The following FGFR4 variants were observed in gnomAD, a reference collection of about 807,000 sequenced individuals.
FGFR4 encodes hydroxyaryl-protein kinase.
Under a neutral mutation model 89.9 loss-of-function variants are expected in FGFR4, and 63 were observed. The observed-to-expected ratio is 0.70, with a 90% CI of 0.57 to 0.86. The LOEUF is 0.86. FGFR4 is among the 40% of genes least tolerant of loss of function. FGFR4 has a pLI of 0.00. For synonymous variants in FGFR4, 486 were observed against 479.4 expected (o/e 1.01, Z -0.18); for missense variants, 928 against 1,106.7 (o/e 0.84, Z 2.29).
chr5:177,095,334 C>T lies in FGFR4; in HGVS notation c.1524C>T (p.Asn508=), dbSNP rs150885537. 413 of 1,613,970 alleles carry T rather than the reference C, an allele frequency of 2.6e-4. No homozygotes were observed. Among genetic ancestry groups the T allele is most frequent in the Middle Eastern group, 9.9e-4 (6 of 6,052 alleles). ...STVAVKMLKD[N]ASDKDLADLV... Reference sequence around the variant, plus strand: ...CCCCGTCTGCTGCCCTTACAGACAACGCCTCTGACAAGGACCTGGCCGACC... The same window carrying T: ...CCCCGTCTGCTGCCCTTACAGACAATGCCTCTGACAAGGACCTGGCCGACC... Residue 508 remains asparagine, a synonymous_variant, in exon 12 of 18, where the codon AAC becomes AAT. Transcript: ENST00000292408. The surrounding 1 kb of genome is among the most constrained non-coding windows in gnomAD (Gnocchi z 5.7).
Position 177,093,492 on chromosome 5 carries a change from C to A in FGFR4, c.1338C>A (p.Leu446=). ...VRLSSSGPAL[L]AGLVSLDLPL... Reference sequence around the variant, plus strand: ...TCTCCTCCAGCGGCCCCGCCTTGCTCGCCGGCCTCGTGAGTCTAGATCTAC... The same window carrying A: ...TCTCCTCCAGCGGCCCCGCCTTGCTAGCCGGCCTCGTGAGTCTAGATCTAC... Residue 446 remains leucine (L), a synonymous_variant, in exon 10 of 18, where the codon CTC becomes CTA. Transcript: ENST00000292408. The surrounding 1 kb of genome is among the most constrained non-coding windows in gnomAD (Gnocchi z 5.8). The A allele has an allele frequency of 6.2e-7, 1 of 1,613,948 alleles. No individual in the cohort carries two copies.
At chr5:177,089,967 C>G (rs894964312) in intron 2 of FGFR4, 2 of 624,044 alleles carry the variant, frequency 3.2e-6, no homozygotes, top group Non-Finnish European at 5.9e-6. Flanking sequence ...GGTGTGTGTG[C>G]GTGTGTGTGT....
chr5:177,098,144 C>A lies in FGFR4; in HGVS notation c.*468C>A. 4.5e-6 allele frequency: 1 copy of A among 222,584 alleles called. No homozygotes were observed. The highest frequency in any genetic ancestry group is 6.5e-5 in the East Asian group (1 of 15,320). 13.8% of individuals were successfully genotyped at this position (222,584 alleles called of 1,614,324 possible). A position where few individuals can be genotyped will look rare whatever the true frequency, so the allele number is the denominator to read the frequency against. The stretch of plus-strand genomic sequence containing the variant: ...GAAATAAAGCTCTGTGTGCCTGGGT[C>A]TTCCCTGAGCAACATGGAGTGGGGT... On this transcript the variant is annotated 3_prime_UTR_variant, in exon 18 of 18. Transcript: ENST00000292408. The surrounding 1 kb of genome is among the most constrained non-coding windows in gnomAD (Gnocchi z 4.5).
chr5:177,090,808 ACAGTTACCCCCAGCAAGGT>A lies in FGFR4; in HGVS notation c.424_436+6del. 1.2e-6 allele frequency: 2 copies of A among 1,614,070 alleles called. No homozygotes were observed. Among genetic ancestry groups the A allele is most frequent in the South Asian group, 1.1e-5 (1 of 91,080 alleles). On this transcript the variant is annotated splice_donor_variant and coding_sequence_variant, in exon 4 of 18. Transcript: ENST00000292408. LOFTEE classifies it high-confidence loss of function. ...TCCCATAGGGACCCCTCGAATAGGC[ACAGTTACCCCCAGCAAGGT>A]CAGTAGGTCTCCAAGGACTTGTGTC...
Position 177,087,777 on chromosome 5 carries a change from G to C in FGFR4, c.-54+700G>C. On this transcript the variant is annotated intron_variant, in intron 1 of 17. Transcript: ENST00000292408. This position sits in a 1 kb window ranked among gnomAD's most constrained non-coding sequence, Gnocchi z 6.1. ...TGGATTCGAGAGTTGAGGTGGGCCA[G>C]AGACAGCAGTATCTGAGTCAGGTAG... is the stretch of plus-strand genomic sequence containing the variant. 1.5e-5 allele frequency: 5 copies of C among 326,766 alleles called. No individual in the cohort carries two copies. The highest frequency in any genetic ancestry group is 1.8e-5 in the Non-Finnish European group (4 of 228,220). 20.2% of individuals were successfully genotyped at this position (326,766 alleles called of 1,614,324 possible).
Position 177,086,924 on chromosome 5 carries a change from C to G in FGFR4, c.-207C>G, listed in dbSNP as rs952370915. The G allele has an allele frequency of 6.6e-6, 1 of 151,986 alleles. No homozygotes were observed. Among genetic ancestry groups the G allele is most frequent in the Non-Finnish European group, 1.5e-5 (1 of 68,012 alleles). The allele number at this position is 151,986 out of a possible 1,614,324, so 9.4% of individuals were successfully genotyped here. On this transcript the variant is annotated 5_prime_UTR_variant, in exon 1 of 18. Coordinates refer to ENST00000292408, the MANE Select transcript of FGFR4 (RefSeq NM_213647.3). ...GCCGCCGTCGCGGGTACATTCCTCG[C>G]TCCCGGCCGAGGAGCGCTCGGGCTG...
rs1307203307 is a variant in FGFR4 at position 177,097,707 on chromosome 5, C to G, written c.*31C>G. 10 of 1,605,510 alleles carry G rather than the reference C, an allele frequency of 6.2e-6. No homozygotes were observed. Among genetic ancestry groups the G allele is most frequent in the Non-Finnish European group, 8.5e-6 (10 of 1,174,890 alleles). ...GCTCAAGGCTGTGCAGGCACATAGG[C>G]TGGTGGCCTTGGGCCTTGGGGCTCA... On this transcript the variant is annotated 3_prime_UTR_variant, in exon 18 of 18. Transcript: ENST00000292408.
intron 16 of FGFR4, 106 bp downstream of exon 16, chr5:177,096,847 A>ACTCCTCGTC (rs1305938838): frequency 1.7e-6 from 2 of 1,158,546 alleles, no homozygotes; most frequent in African/African-American, 4.0e-5. Flanking sequence ...ACTAACAACA[A>ACTCCTCGTC]CTCCTCGTCC....
rs189047315 is a variant in FGFR4 at position 177,097,117 on chromosome 5, C to G, written c.2154-175C>G. 6 of 517,978 alleles carry G rather than the reference C, an allele frequency of 1.2e-5. No individual in the cohort carries two copies. Among genetic ancestry groups the G allele is most frequent in the African/African-American group, 6.2e-5 (2 of 32,342 alleles). 32.1% of individuals were successfully genotyped at this position (517,978 alleles called of 1,614,324 possible). A position where few individuals can be genotyped will look rare whatever the true frequency, so the allele number is the denominator to read the frequency against. ...TCCTCCTCCTGCTCCTCTTCCTCCT[C>G]CTCCTCTTCCTCCTCCTCAGCCTAG... On this transcript the variant is annotated intron_variant, in intron 16 of 17. Coordinates refer to ENST00000292408, the MANE Select transcript of FGFR4 (RefSeq NM_213647.3).
At chr5:177,097,441 C>T in intron 17 of FGFR4, 44 bp downstream of exon 17, 1 of 1,603,798 alleles carries the variant, frequency 6.2e-7, no homozygotes, top group Non-Finnish European at 8.5e-7. Context: ...CTGCTCCCCT[C>T]CAGGCCTCAT....
rs201925633 is a variant in FGFR4 at position 177,093,522 on chromosome 5, C to G, written c.1368C>G (p.Leu456=). 3 of 1,613,890 alleles carry G rather than the reference C, an allele frequency of 1.9e-6. No homozygotes were observed. Among genetic ancestry groups the G allele is most frequent in the Non-Finnish European group, 2.5e-6 (3 of 1,180,012 alleles). ...GCCTCGTGAGTCTAGATCTACCTCT[C>G]GACCCACTATGGGAGTTCCCCCGGG... The part of the protein sequence containing the change: ...LAGLVSLDLP[L]DPLWEFPRDR... The change falls in exon 10 of 18, where the codon CTC becomes CTG. Residue 456 remains leucine, a synonymous_variant. Transcript: ENST00000292408. This position sits in a 1 kb window ranked among gnomAD's most constrained non-coding sequence, Gnocchi z 5.8.
chr5:177,093,921 A>T lies in FGFR4; in HGVS notation c.1519+146A>T. ...ATCTCTACAAAAAAAAAATAAGAAAATTAGTTGGGTGTGGTGGTGTGTGCC... is the reference window on the plus strand; with the variant it reads ...ATCTCTACAAAAAAAAAATAAGAAATTTAGTTGGGTGTGGTGGTGTGTGCC... On this transcript the variant is annotated intron_variant, in intron 11 of 17. Transcript: ENST00000292408. This position sits in a 1 kb window ranked among gnomAD's most constrained non-coding sequence, Gnocchi z 5.8. The T allele has an allele frequency of 1.0e-6, 1 of 1,001,238 alleles. No individual in the cohort carries two copies. Among genetic ancestry groups the T allele is most frequent in the Non-Finnish European group, 1.4e-6 (1 of 705,854 alleles). 62.0% of individuals were successfully genotyped at this position (1,001,238 alleles called of 1,614,324 possible). A position where few individuals can be genotyped will look rare whatever the true frequency, so the allele number is the denominator to read the frequency against.
In FGFR4 at chr5:177,095,625, G is replaced by C. The variant is rs766121173; in HGVS notation, c.1723G>C (p.Asp575His). ...CCCCCCAGGCCCCGACCTCAGCCCC[G>C]ACGGTCCTCGGAGCAGTGAGGGGCC... is the stretch of plus-strand genomic sequence containing the variant. ...RRPPGPDLSP[D>H]GPRSSEGPLS... The change falls in exon 13 of 18, where the codon GAC (aspartate) becomes CAC (histidine). Residue 575 changes from aspartate to histidine, a missense_variant. This residue lies in a region of FGFR4 where 741 missense variants were observed against 836.9 expected (regional missense o/e 0.89). Coordinates refer to ENST00000292408, the MANE Select transcript of FGFR4 (RefSeq NM_213647.3). The surrounding 1 kb of genome is among the most constrained non-coding windows in gnomAD (Gnocchi z 5.7). 2 of 1,605,494 alleles carry C rather than the reference G, an allele frequency of 1.2e-6. No individual in the cohort carries two copies. Among genetic ancestry groups the C allele is most frequent in the Non-Finnish European group, 8.5e-7 (1 of 1,177,228 alleles).
intron 6 of FGFR4, 24 bp downstream of exon 6, chr5:177,091,832 G>A: frequency 6.2e-7 from 1 of 1,613,320 alleles, no homozygotes. Flanking sequence ...TGGGAACAGG[G>A]GAGGCCTGAC....
rs1784394758 is a variant in FGFR4 at position 177,092,324 on chromosome 5, G to A, written c.731G>A (p.Arg244Gln). ...RYNYLLDVLE[R>Q]SPHRPILQAG... Reference sequence around the variant, plus strand: ...GACTGTCTCGCCCGGTCCCCAGAGCGGTCCCCGCACCGGCCCATCCTGCAG... The same window carrying A: ...GACTGTCTCGCCCGGTCCCCAGAGCAGTCCCCGCACCGGCCCATCCTGCAG... The change falls in exon 7 of 18, where the codon CGG (arginine) becomes CAG (glutamine). Residue 244 changes from arginine to glutamine, a missense_variant. Physicochemically the swap from Arg to Gln is conservative, Grantham distance 43 (BLOSUM62 1). Coordinates refer to ENST00000292408, the MANE Select transcript of FGFR4 (RefSeq NM_213647.3). 3 of 1,571,212 alleles carry A rather than the reference G, an allele frequency of 1.9e-6. No homozygotes were observed. Among genetic ancestry groups the A allele is most frequent in the African/African-American group, 1.4e-5 (1 of 73,890 alleles).
chr5:177,091,688 C>T lies in FGFR4; in HGVS notation c.607C>T (p.Arg203Cys), dbSNP rs2149732818. The T allele has an allele frequency of 6.2e-7, 1 of 1,614,150 alleles. No individual in the cohort carries two copies. The highest frequency in any genetic ancestry group is 8.5e-7 in the Non-Finnish European group (1 of 1,180,004). ...GENRIGGIRLRHQHWSLVMES... is the reference protein window; with the variant it reads ...GENRIGGIRLCHQHWSLVMES... ...CGGACACTCTCTCTGCCTGCAGCTG[C>T]GCCATCAGCACTGGAGTCTCGTGAT... The change falls in exon 6 of 18, where the codon CGC becomes TGC. Residue 203 changes from arginine to cysteine, a missense_variant. Around this residue, in one of 5 missense-constraint regions of FGFR4, gnomAD observed 741 missense variants for 836.9 expected, o/e 0.89. Coordinates refer to ENST00000292408, the MANE Select transcript of FGFR4 (RefSeq NM_213647.3).
chr5:177,092,020 G>A (rs1784384377), intron 6 of FGFR4, among the ~76,000 whole-genome samples: 1 of 152,236 alleles, frequency 6.6e-6, no homozygotes, highest in South Asian at 2.1e-4. Flanking sequence ...CAGGCAGAGG[G>A]CGCAGCCCGA....
At chr5:177,096,953 CTTCTCCTCCTGCTCCTCT>C (rs1562077806) in intron 16 of FGFR4, among the ~76,000 whole-genome samples, 1 of 54,198 alleles carries the variant, frequency 1.8e-5, no homozygotes, top group African/African-American at 7.3e-5. Flanking sequence ...CCTCTTCCTC[CTTCTCCTCCTGCTCCTCT>C]TCCTCCTCCT....
rs923828271 is a variant in FGFR4 at position 177,095,800 on chromosome 5, C to A, written c.1821+77C>A. On this transcript the variant is annotated intron_variant, in intron 13 of 17. Transcript: ENST00000292408. The surrounding 1 kb of genome is among the most constrained non-coding windows in gnomAD (Gnocchi z 5.7). ...AGGCCTGTGGCATTCAATGTCCCGA[C>A]TTCTCCCTCTCTGCTCTTTTTCATG... is the stretch of plus-strand genomic sequence containing the variant. 4 of 1,403,398 alleles carry A rather than the reference C, an allele frequency of 2.9e-6. No homozygotes were observed. Among genetic ancestry groups the A allele is most frequent in the African/African-American group, 1.4e-5 (1 of 69,400 alleles). 86.9% of individuals were successfully genotyped at this position (1,403,398 alleles called of 1,614,324 possible).
Sources: gnomAD v4.1 joint callset for allele counts (sites outside exome capture counted in the v4.1 genomes callset) on GRCh38, gnomAD v4.1.1 for gene constraint, gnomAD v4.1.1 regional missense constraint, Gnocchi (gnomAD v3.1) non-coding constraint, MANE v1.5 for transcripts, NCBI Gene and HGNC (gene_info 2026-07-23, HGNC 2026-07-21) for gene names.